TRAF3IP3: variants seen among roughly 807,000 people sequenced by gnomAD.
The protein encoded by TRAF3IP3 is TRAF3 interacting protein 3.
TRAF3IP3 carries 64 observed loss-of-function variants against 86.5 expected under a neutral mutation model. The ratio of observed to expected loss-of-function variants is 0.74; its 90% confidence interval spans 0.60 to 0.91. TRAF3IP3 has a LOEUF of 0.91. TRAF3IP3 is among the 40% of genes least tolerant of loss of function. The pLI is 0.00. For missense variants in TRAF3IP3, 579 were observed against 642.9 expected, an observed-to-expected ratio of 0.90 and a Z score of 1.07; for synonymous variants, 220 against 243.9, an observed-to-expected ratio of 0.90 and a Z score of 0.91.
At position 209,781,036 on chromosome 1, in the gene TRAF3IP3, G is replaced by A. The variant is rs748643468; in HGVS notation, c.1450-309G>A. On this transcript the variant is annotated intron_variant, in intron 15 of 16. Transcript: ENST00000367025. ...CTTGTACTAAGGTCACTTCTAGGTCGTTTGTTCTATAAGAACTTCATTTTT... is the reference window on the plus strand; with the variant it reads ...CTTGTACTAAGGTCACTTCTAGGTCATTTGTTCTATAAGAACTTCATTTTT... 23 of 224,678 alleles carry A rather than the reference G, an allele frequency of 1.0e-4. No homozygotes were observed. The South Asian group carries it at 1.1e-3, about 11-fold the overall frequency. The allele number at this position is 224,678 out of a possible 1,614,324, so 13.9% of individuals were successfully genotyped here. A position where few individuals can be genotyped will look rare whatever the true frequency, so the allele number is the denominator to read the frequency against.
At position 209,777,461 on chromosome 1, in the gene TRAF3IP3, G is replaced by A. The variant is rs374518444; in HGVS notation, c.1163G>A (p.Cys388Tyr). The A allele has an allele frequency of 2.5e-6, 4 of 1,613,840 alleles. No homozygotes were observed. In the African/African-American group the frequency reaches 5.3e-5, roughly 22 times the overall value. Residue 388 changes from cysteine (C) to tyrosine (Y), a missense_variant, in exon 12 of 17, where the codon TGC (cysteine) becomes TAC (tyrosine). By Grantham distance (194) the Cys-to-Tyr change is radical. Coordinates refer to ENST00000367025, the MANE Select transcript of TRAF3IP3 (RefSeq NM_025228.4). ...TGCCTGCAAGGGGACAGAGACCTGT[G>A]CAGCTTGGATACCCAGGACCTACAA... is the stretch of plus-strand genomic sequence containing the variant. ...IECLQGDRDLCSLDTQDLQDQ... is the reference protein window; with the variant it reads ...IECLQGDRDLYSLDTQDLQDQ...
chr1:209,764,308 G>T (rs1433269802), intron 8 of TRAF3IP3, among the ~76,000 whole-genome samples: 2 of 152,104 alleles, frequency 1.3e-5, no homozygotes, highest in Non-Finnish European at 2.9e-5. Flanking sequence ...AAAAATAAAA[G>T]AAATGTTTTC....
chr1:209,759,623 C>T (rs2077210219), intron 2 of TRAF3IP3, among the ~76,000 whole-genome samples: 1 of 152,218 alleles, frequency 6.6e-6, no homozygotes, highest in Non-Finnish European at 1.5e-5. Flanking sequence ...CACACACCTG[C>T]CATCCAAGAG....
chr1:209,766,977 AGT>A (rs1237642151), intron 8 of TRAF3IP3, among the ~76,000 whole-genome samples: 1 of 152,220 alleles, frequency 6.6e-6, no homozygotes, highest in Non-Finnish European at 1.5e-5. Flanking sequence ...AAAGTAGAAG[AGT>A]GTTTAAGGTA....
Position 209,782,196 on chromosome 1 carries a change from A to G in TRAF3IP3, c.*48A>G. 1 of 1,493,582 alleles carries G rather than the reference A, an allele frequency of 6.7e-7. No homozygotes were observed. The highest frequency in any genetic ancestry group is 1.7e-5 in the Admixed American group (1 of 59,856). The allele number at this position is 1,493,582 out of a possible 1,614,324, so 92.5% of individuals were successfully genotyped here. A position where few individuals can be genotyped will look rare whatever the true frequency, so the allele number is the denominator to read the frequency against. ...GGTGAAAATCAGAAGCAAGCAACTC[A>G]GCGAAAAACTCAGAAGGTTTGGGTA... On this transcript the variant is annotated 3_prime_UTR_variant, in exon 17 of 17. Coordinates refer to ENST00000367025, the MANE Select transcript of TRAF3IP3 (RefSeq NM_025228.4).
chr1:209,781,690 G>T, intron 16 of TRAF3IP3: 1 of 498,426 alleles, frequency 2.0e-6, no homozygotes, highest in Admixed American at 3.5e-5. Context: ...CTTACTCTTA[G>T]CTAAAGTATG....
At chr1:209,768,559 G>A (rs774067989) in intron 8 of TRAF3IP3, 33 of 985,568 alleles carry the variant, frequency 3.3e-5, no homozygotes, top group Non-Finnish European at 3.7e-5. Context: ...TGAGCTGTGG[G>A]CTGGTGCTTC....
chr1:209,781,165 G>T, intron 15 of TRAF3IP3, 180 bp from the exon 16 acceptor site: 1 of 455,418 alleles, frequency 2.2e-6, no homozygotes, highest in Non-Finnish European at 4.0e-6. Flanking sequence ...TCATTTAAAT[G>T]AACACATTCC....
Position 209,765,289 on chromosome 1 carries a change from GAAAT to G in TRAF3IP3, c.702+1703_702+1706del, listed in dbSNP as rs1434804733. 5.7e-3 allele frequency among the ~76,000 whole-genome samples: 540 copies of G among 95,544 alleles called. 4 individuals carry two copies. Among genetic ancestry groups the G allele is most frequent in the African/African-American group, 0.02 (510 of 26,088 alleles). The allele number at this position is 95,544 out of a possible 152,430, so 62.7% of individuals were successfully genotyped here. On this transcript the variant is annotated intron_variant, in intron 8 of 16. Coordinates refer to ENST00000367025, the MANE Select transcript of TRAF3IP3 (RefSeq NM_025228.4). ...AGGAAGGAAGGAAGGAAGGAAGGAA[GAAAT>G]TAAGATAGAAATTGAGAAAGAATTA...
chr1:209,777,042 T>C (rs558401037), intron 11 of TRAF3IP3: 23 of 183,398 alleles, frequency 1.3e-4, no homozygotes, highest in Admixed American at 1.0e-3. Context: ...CAATGTGCTA[T>C]GATGGCACCA....
chr1:209,780,652 A>G, intron 15 of TRAF3IP3, 46 bp downstream of exon 15: 1 of 1,463,914 alleles, frequency 6.8e-7, no homozygotes, highest in Non-Finnish European at 9.1e-7. Flanking sequence ...GCGAAATAGC[A>G]GAGAAACCTG....
chr1:209,779,269 G>A, intron 13 of TRAF3IP3, 46 bp from the exon 14 acceptor site: 2 of 1,552,050 alleles, frequency 1.3e-6, no homozygotes, highest in East Asian at 2.2e-5. Context: ...AAAACTTTTT[G>A]TAGTAAATAT....
At chr1:209,757,608 A>G (rs2077176756) in intron 1 of TRAF3IP3, among the ~76,000 whole-genome samples, 1 of 152,170 alleles carries the variant, frequency 6.6e-6, no homozygotes, top group South Asian at 2.1e-4. Flanking sequence ...AATCTGGTAA[A>G]CAATATACTC....
intron 8 of TRAF3IP3, among the ~76,000 whole-genome samples, chr1:209,770,919 A>G (rs1471868484): frequency 9.1e-3 from 373 of 40,788 alleles, no homozygotes; most frequent in Middle Eastern, 0.031. Flanking sequence ...TGTGCAGGTG[A>G]AGGTGTGCGT....
rs777507044 is a variant in TRAF3IP3 at position 209,780,522 on chromosome 1, T to TG, written c.1366dup (p.Glu456GlyfsTer41). On this transcript the variant is annotated frameshift_variant, in exon 15 of 17. Transcript: ENST00000367025. LOFTEE classifies it high-confidence loss of function. The stretch of plus-strand genomic sequence containing the variant: ...AGTCCTTCCCTAACGAAGTGGAGCC[T>TG]GAGGGTACAGGGAAGGAGAAAGACT... 10 of 1,603,618 alleles carry TG rather than the reference T, an allele frequency of 6.2e-6. No individual in the cohort carries two copies. The highest frequency in any genetic ancestry group is 8.5e-6 in the Non-Finnish European group (10 of 1,174,812).
At chr1:209,781,068 C>T (rs1026035777) in intron 15 of TRAF3IP3, 6 of 229,786 alleles carry the variant, frequency 2.6e-5, no homozygotes, top group African/African-American at 1.4e-4. Context: ...TTTTCGGTGT[C>T]TCTCATTTGC....
chr1:209,763,351 C>T lies in TRAF3IP3; in HGVS notation c.577-12C>T, dbSNP rs1571916417. 6 of 1,612,962 alleles carry T rather than the reference C, an allele frequency of 3.7e-6. No individual in the cohort carries two copies. The Admixed American group carries it at 1.0e-4, about 27-fold the overall frequency. On this transcript the variant is annotated splice_polypyrimidine_tract_variant and intron_variant, in intron 6 of 16. Transcript: ENST00000367025. ...TACAGACATTTTGAATACCCTTGTT[C>T]TTTCTCTCCAGGAAATCATCCAGCT...
Position 209,762,522 on chromosome 1 carries a change from G to A in TRAF3IP3, c.353G>A (p.Gly118Asp). 1 of 1,447,540 alleles carries A rather than the reference G, an allele frequency of 6.9e-7. No homozygotes were observed. Among genetic ancestry groups the A allele is most frequent in the Non-Finnish European group, 9.1e-7 (1 of 1,096,420 alleles). The allele number at this position is 1,447,540 out of a possible 1,614,324, so 89.7% of individuals were successfully genotyped here. ...RISSPREQVT[G>D]TSSEVFPAQH... is the part of the protein sequence containing the mutation. ...TCCCCACTTGCCTTCCAGGTGACAG[G>A]CACCAGCTCTGAAGTCTTTCCAGCC... The change falls in exon 4 of 17, where the codon GGC (glycine) becomes GAC (aspartate). Residue 118 changes from glycine (G) to aspartate (D), a missense_variant. Physicochemically the swap from Gly to Asp is moderately conservative, Grantham distance 94. Coordinates refer to ENST00000367025, the MANE Select transcript of TRAF3IP3 (RefSeq NM_025228.4).
chr1:209,772,736 C>T (rs1429543068), intron 8 of TRAF3IP3, among the ~76,000 whole-genome samples: 1 of 152,176 alleles, frequency 6.6e-6, no homozygotes, highest in Non-Finnish European at 1.5e-5. Context: ...GACTTGAGGC[C>T]AGTCTTATTC....
Sources: gnomAD v4.1 joint callset for allele counts (sites outside exome capture counted in the v4.1 genomes callset) on GRCh38, gnomAD v4.1.1 for gene constraint, MANE v1.5 for transcripts, NCBI Gene and HGNC (gene_info 2026-07-23, HGNC 2026-07-21) for gene names.